IL1RAP: variants seen among roughly 807,000 people sequenced by gnomAD.
IL1RAP encodes interleukin 1 receptor accessory protein, also known as interleukin-1 receptor accessory protein.
Under a neutral mutation model 60.7 loss-of-function variants are expected in IL1RAP, and 35 were observed. The observed-to-expected ratio is 0.58, with a 90% CI of 0.44 to 0.76. IL1RAP has a LOEUF of 0.76. Among genes scored for constraint, IL1RAP ranks in the 30% least tolerant of loss-of-function variants. The pLI is 0.00. For synonymous variants in IL1RAP, 268 were observed against 250.9 expected (o/e 1.07, Z -0.64); for missense variants, 572 against 693.9 (o/e 0.82, Z 1.97).
intron 1 of IL1RAP, among the ~76,000 whole-genome samples, chr3:190,517,462 C>G (rs1262377810): frequency 6.6e-6 from 1 of 152,072 alleles, no homozygotes; most frequent in East Asian, 1.9e-4. Flanking sequence ...CAGAAAGAGA[C>G]CACTGCTTCC....
At position 190,651,149 on chromosome 3, in the gene IL1RAP, A is replaced by G; in HGVS notation, c.*2444A>G. On this transcript the variant is annotated 3_prime_UTR_variant, in exon 12 of 12. Transcript: ENST00000447382. ...GGGAAACATAATTTAGAGAACAAGAACAAACCATGTCTCAAATTTTTTTAA... is the reference window on the plus strand; with the variant it reads ...GGGAAACATAATTTAGAGAACAAGAGCAAACCATGTCTCAAATTTTTTTAA... 3.0e-6 allele frequency: 3 copies of G among 984,018 alleles called. No individual in the cohort carries two copies. Among genetic ancestry groups the G allele is most frequent in the Non-Finnish European group, 2.4e-6 (2 of 828,730 alleles). The allele number at this position is 984,018 out of a possible 1,614,324, so 61.0% of individuals were successfully genotyped here. A position where few individuals can be genotyped will look rare whatever the true frequency, so the allele number is the denominator to read the frequency against.
chr3:190,576,232 C>CA (rs1727434113), intron 3 of IL1RAP, among the ~76,000 whole-genome samples: 1 of 152,006 alleles, frequency 6.6e-6, no homozygotes, highest in African/African-American at 2.4e-5. Context: ...AGGTAAGGGT[C>CA]AGCAAAGAAA....
At chr3:190,594,925 A>C (rs1243386527) in intron 3 of IL1RAP, among the ~76,000 whole-genome samples, 1 of 152,204 alleles carries the variant, frequency 6.6e-6, no homozygotes, top group East Asian at 1.9e-4. Context: ...GGTTGTGGAA[A>C]CTGAGGTTCA....
chr3:190,516,146 C>A (rs1183337835), intron 1 of IL1RAP: 1 of 152,210 alleles, frequency 6.6e-6, no homozygotes, highest in African/African-American at 2.4e-5. Context: ...CATTTGTATG[C>A]AGTATTGGTA....
intron 1 of IL1RAP, chr3:190,518,456 C>T (rs1721724577): frequency 6.6e-6 from 1 of 152,102 alleles, no homozygotes; most frequent in Admixed American, 6.5e-5. Flanking sequence ...TGCTGAGTAT[C>T]TTAAATATAT....
rs1007176509 is a variant in IL1RAP, at chr3:190,609,753, G to A, written c.537+572G>A. ...AGCCGAAACCCCACGGCCAGAATTT[G>A]CAACATAACTCAGTGACTAGTTATC... On this transcript the variant is annotated intron_variant, in intron 5 of 11. Transcript: ENST00000447382. Among the ~76,000 whole-genome samples the A allele has an allele frequency of 2.0e-5, 3 of 152,178 alleles. No homozygotes were observed. The East Asian group carries it at 5.8e-4, about 29-fold the overall frequency.
intron 2 of IL1RAP, among the ~76,000 whole-genome samples, chr3:190,562,694 C>A (rs899851960): frequency 1.0e-4 from 15 of 146,542 alleles, no homozygotes; most frequent in African/African-American, 3.3e-4. Flanking sequence ...CATATCTCGT[C>A]CACACACACA....
chr3:190,612,545 G>A (rs534128787), intron 5 of IL1RAP, among the ~76,000 whole-genome samples: 1 of 151,798 alleles, frequency 6.6e-6, no homozygotes, highest in Non-Finnish European at 1.5e-5. Context: ...ATGTATTCCT[G>A]TTTATTTATA....
At chr3:190,612,075 T>C (rs1730868500) in intron 5 of IL1RAP, among the ~76,000 whole-genome samples, 1 of 152,204 alleles carries the variant, frequency 6.6e-6, no homozygotes, top group Non-Finnish European at 1.5e-5. Flanking sequence ...TTGGAGATAC[T>C]CAAATATTGT....
chr3:190,535,191 C>T (rs922299051), intron 1 of IL1RAP, among the ~76,000 whole-genome samples: 3 of 152,160 alleles, frequency 2.0e-5, no homozygotes, highest in Admixed American at 6.5e-5. Context: ...ATCAACCCTG[C>T]GGCCTTTGTT....
intron 2 of IL1RAP, among the ~76,000 whole-genome samples, chr3:190,560,676 C>A (rs3773988): frequency 1.3e-5 from 2 of 152,014 alleles, no homozygotes; most frequent in African/African-American, 4.8e-5. Flanking sequence ...CACAGCAAAC[C>A]TAGTTTCAGC....
At chr3:190,639,397 G>A (rs551195397) in intron 9 of IL1RAP, among the ~76,000 whole-genome samples, 1 of 152,072 alleles carries the variant, frequency 6.6e-6, no homozygotes, top group African/African-American at 2.4e-5. Flanking sequence ...TCTTTGTGAT[G>A]TCTAATCGAT....
At chr3:190,568,859 T>A (rs1001011708) in intron 3 of IL1RAP, among the ~76,000 whole-genome samples, 1 of 152,250 alleles carries the variant, frequency 6.6e-6, no homozygotes, top group Non-Finnish European at 1.5e-5. Flanking sequence ...ATCATGCGTT[T>A]GACCATTTTA....
intron 9 of IL1RAP, among the ~76,000 whole-genome samples, chr3:190,632,208 T>C (rs1732848136): frequency 1.3e-5 from 2 of 152,230 alleles, no homozygotes. Context: ...ATTTTACCTG[T>C]CCTCTAGCAA....
chr3:190,579,323 C>T (rs146944551), intron 3 of IL1RAP, among the ~76,000 whole-genome samples: 1 of 152,238 alleles, frequency 6.6e-6, no homozygotes, highest in Non-Finnish European at 1.5e-5. Context: ...TATTCACTAA[C>T]CATTACAGGG....
downstream of IL1RAP, chr3:190,656,297 G>A: frequency 6.5e-7 from 1 of 1,537,250 alleles, no homozygotes. Flanking sequence ...GAACTTCAGA[G>A]CTCAGAGAGG....
intron 9 of IL1RAP, among the ~76,000 whole-genome samples, chr3:190,641,031 T>C (rs1486918769): frequency 6.6e-6 from 1 of 152,160 alleles, no homozygotes; most frequent in African/African-American, 2.4e-5. Flanking sequence ...AATGGTGCAA[T>C]CTTGGCTCAC....
intron 3 of IL1RAP, among the ~76,000 whole-genome samples, chr3:190,573,844 G>A (rs1727220200): frequency 6.6e-6 from 1 of 152,026 alleles, no homozygotes; most frequent in Non-Finnish European, 1.5e-5. Flanking sequence ...GTAATAGGAA[G>A]GAAGGTGAGG....
At chr3:190,610,449 A>G (rs1278691153) in intron 5 of IL1RAP, among the ~76,000 whole-genome samples, 3 of 152,024 alleles carry the variant, frequency 2.0e-5, no homozygotes, top group African/African-American at 7.2e-5. Flanking sequence ...GGAAGATCAC[A>G]GAATAAAAAA....
Sources: allele counts gnomAD v4.1 joint callset (sites outside exome capture counted in the v4.1 genomes callset), GRCh38; gene constraint gnomAD v4.1.1; transcripts MANE v1.5; gene names NCBI Gene and HGNC (gene_info 2026-07-23, HGNC 2026-07-21).